Variants in KIF26B observed in about 807,000 individuals in gnomAD.
The protein encoded by KIF26B is kinesin-like protein KIF26B.
A neutral mutation model predicts 151.2 loss-of-function variants in KIF26B; 63 were observed. The ratio of observed to expected loss-of-function variants is 0.42; its 90% CI spans 0.34 to 0.51. The LOEUF (loss-of-function observed/expected upper bound fraction) is 0.51, where lower values mean the gene tolerates loss of function less well. Ranked by LOEUF, KIF26B falls within the 20% of genes least tolerant of loss-of-function variation. The pLI, the probability that KIF26B is intolerant of heterozygous loss-of-function variation, is 0.07. For synonymous variants in KIF26B, 1,357 were observed against 1,262.1 expected (o/e 1.08, Z -1.59); for missense variants, 2,813 against 2,913.6 (o/e 0.97, Z 0.79).
chr1:245,219,880 C>T (rs947314921), intron 2 of KIF26B, among the ~76,000 whole-genome samples: 3 of 152,238 alleles, frequency 2.0e-5, no homozygotes, highest in African/African-American at 7.2e-5. Context: ...CACTGACTCC[C>T]ACCCAGGCCA....
At chr1:245,575,395 A>G (rs1190297747) in intron 5 of KIF26B, among the ~76,000 whole-genome samples, 9 of 151,966 alleles carry the variant, frequency 5.9e-5, no homozygotes. Flanking sequence ...GAATTGTTTG[A>G]ACCCGGGAGG....
At chr1:245,580,638 C>T (rs760217707) in intron 5 of KIF26B, among the ~76,000 whole-genome samples, 60 of 152,198 alleles carry the variant, frequency 3.9e-4, no homozygotes, top group Non-Finnish European at 1.6e-4. Flanking sequence ...GGCCCACTCC[C>T]TGGACACCAG....
At chr1:245,421,758 C>T (rs578211826) in intron 4 of KIF26B, among the ~76,000 whole-genome samples, 2 of 151,946 alleles carry the variant, frequency 1.3e-5, no homozygotes, top group Non-Finnish European at 2.9e-5. Flanking sequence ...ATGAGTTCTC[C>T]TTAAATTCTT....
chr1:245,207,788 G>A (rs775566632), intron 2 of KIF26B, among the ~76,000 whole-genome samples: 1 of 152,092 alleles, frequency 6.6e-6, no homozygotes, highest in East Asian at 1.9e-4. Context: ...CGTACACATC[G>A]TTTTTCACAC....
chr1:245,230,648 C>T (rs565957943), intron 2 of KIF26B, among the ~76,000 whole-genome samples: 2 of 151,818 alleles, frequency 1.3e-5, no homozygotes, highest in South Asian at 4.2e-4. Context: ...GAGGATGAGG[C>T]AGGAGAATCG....
chr1:245,339,237 C>T (rs950396229), intron 2 of KIF26B, among the ~76,000 whole-genome samples: 65 of 152,272 alleles, frequency 4.3e-4, no homozygotes, highest in Non-Finnish European at 1.0e-4. Flanking sequence ...CTCAGCCTCC[C>T]AAAGTGCTGG....
Position 245,703,297 on chromosome 1 carries a change from G to A in KIF26B, c.*691G>A, listed in dbSNP as rs958807850. On this transcript the variant is annotated 3_prime_UTR_variant, in exon 15 of 15. Coordinates refer to ENST00000407071, the MANE Select transcript of KIF26B (RefSeq NM_018012.4). ...CAAACAGAGAGACTTCCCTCGGCAC[G>A]AGCCAGTGTGTGTGTTTCCAAAGTA... 1 of 152,512 alleles carries A rather than the reference G, an allele frequency of 6.6e-6. No individual in the cohort carries two copies. 9.4% of individuals were successfully genotyped at this position (152,512 alleles called of 1,614,324 possible). A position where few individuals can be genotyped will look rare whatever the true frequency, so the allele number is the denominator to read the frequency against.
At chr1:245,664,300 A>G (rs995803512) in intron 10 of KIF26B, among the ~76,000 whole-genome samples, 20 of 151,396 alleles carry the variant, frequency 1.3e-4, no homozygotes, top group African/African-American at 4.6e-4. Flanking sequence ...TGGAGGTTGC[A>G]GTGAGCCGAG....
rs1305376502 is a variant in KIF26B, at chr1:245,688,449, G to A, written c.5466G>A (p.Gln1822=). 3.7e-6 allele frequency: 5 copies of A among 1,366,750 alleles called. No homozygotes were observed. The Admixed American group carries it at 1.8e-4, about 50-fold the overall frequency. 84.7% of individuals were successfully genotyped at this position (1,366,750 alleles called of 1,614,324 possible). ...LQGGAGARGL[Q]LRAGPEAEAR... ...GTGGCGCGGGCGCCCGGGGCTTGCA[G>A]CTGCGGGCCGGGCCCGAGGCGGAGG... The change falls in exon 12 of 15, where the codon CAG becomes CAA. Residue 1822 remains glutamine, a synonymous_variant. Coordinates refer to ENST00000407071, the MANE Select transcript of KIF26B (RefSeq NM_018012.4).
intron 2 of KIF26B, among the ~76,000 whole-genome samples, chr1:245,333,799 A>G (rs79496530): frequency 0.1 from 15,891 of 152,132 alleles, 1,236 homozygotes; most frequent in Admixed American, 0.28. Context: ...GGAGTTTGAG[A>G]CCAGCCTGGC....
intron 12 of KIF26B, among the ~76,000 whole-genome samples, chr1:245,690,980 T>G (rs2044617851): frequency 6.6e-6 from 1 of 152,230 alleles, no homozygotes; most frequent in Non-Finnish European, 1.5e-5. Flanking sequence ...ACCTGGTTAA[T>G]GAACTCTTGT....
intron 2 of KIF26B, among the ~76,000 whole-genome samples, chr1:245,360,030 G>A (rs1672783406): frequency 6.6e-6 from 1 of 151,648 alleles, no homozygotes; most frequent in African/African-American, 2.4e-5. Flanking sequence ...CTACCACCAT[G>A]CCCGGCTAAT....
intron 2 of KIF26B, among the ~76,000 whole-genome samples, chr1:245,356,703 G>T (rs532813940): frequency 7.9e-5 from 12 of 152,304 alleles, no homozygotes; most frequent in Admixed American, 5.9e-4. Context: ...ATTATTCTAG[G>T]CATGACGCAT....
intron 4 of KIF26B, among the ~76,000 whole-genome samples, chr1:245,500,709 C>T (rs1225271026): frequency 6.6e-6 from 1 of 152,178 alleles, no homozygotes; most frequent in Non-Finnish European, 1.5e-5. Flanking sequence ...TGGGCCCCGG[C>T]CAACTAGAGA....
At chr1:245,308,600 C>T (rs1355966313) in intron 2 of KIF26B, among the ~76,000 whole-genome samples, 5 of 152,116 alleles carry the variant, frequency 3.3e-5, no homozygotes, top group East Asian at 3.9e-4. Context: ...GGCATGGTAG[C>T]GTGCACCTGT....
chr1:245,500,270 C>T (rs1051604409), intron 4 of KIF26B, among the ~76,000 whole-genome samples: 1 of 152,182 alleles, frequency 6.6e-6, no homozygotes, highest in Non-Finnish European at 1.5e-5. Context: ...GGGAGTGACA[C>T]CTGTCCCAGT....
rs12748093 is a variant in KIF26B at position 245,563,044 on chromosome 1, C to T, written c.1350+22094C>T. The stretch of plus-strand genomic sequence containing the variant: ...GCCTTTTAATCTTTGCATCCTGCCA[C>T]CTCCCCAGCACAGCCAGCATAGGAG... On this transcript the variant is annotated intron_variant, in intron 5 of 14. Coordinates refer to ENST00000407071, the MANE Select transcript of KIF26B (RefSeq NM_018012.4). This position sits in a 1 kb window ranked among gnomAD's most constrained non-coding sequence, Gnocchi z 4.6. Among the ~76,000 whole-genome samples the T allele has an allele frequency of 0.012, 1,812 of 152,258 alleles. 17 individuals are homozygous for T. Among genetic ancestry groups the T allele is most frequent in the Admixed American group, 0.02 (306 of 15,296 alleles).
chr1:245,451,183 T>C (rs542994318), intron 4 of KIF26B, among the ~76,000 whole-genome samples: 107 of 152,286 alleles, frequency 7.0e-4, no homozygotes, highest in African/African-American at 2.3e-3. Flanking sequence ...GAATTTGGAA[T>C]TTAATGCTTT....
At chr1:245,680,845 G>C (rs542845259) in intron 10 of KIF26B, among the ~76,000 whole-genome samples, 1 of 152,198 alleles carries the variant, frequency 6.6e-6, no homozygotes, top group Non-Finnish European at 1.5e-5. Context: ...GAGGTGGAGC[G>C]TGCAAAGCTC....
Sources: allele counts gnomAD v4.1 joint callset (sites outside exome capture counted in the v4.1 genomes callset), GRCh38; gene constraint gnomAD v4.1.1; non-coding constraint Gnocchi (gnomAD v3.1); transcripts MANE v1.5; gene names NCBI Gene and HGNC (gene_info 2026-07-23, HGNC 2026-07-21).